Variants in NAA38 observed in about 807,000 individuals in gnomAD.
NAA38 encodes LSM domain containing 1.
In NAA38, 15 loss-of-function variants were observed where a neutral mutation model predicts 12.6. The observed-to-expected ratio is 1.19, with a 90% CI of 0.79 to 1.83. The LOEUF (loss-of-function observed/expected upper bound fraction) is 1.83, where lower values mean the gene tolerates loss of function less well. Ranked by LOEUF, NAA38 falls within the 40% of genes most tolerant of loss-of-function variation. The pLI, the probability that NAA38 is intolerant of heterozygous loss-of-function variation, is 0.00. For synonymous variants in NAA38, 88 were observed against 69.9 expected (o/e 1.26, Z -1.29); for missense variants, 183 against 171.7 (o/e 1.07, Z -0.37).
At chr17:7,860,569 T>A (rs571821489), upstream of NAA38, 13 of 152,284 alleles carry the variant, frequency 8.5e-5, no homozygotes, top group African/African-American at 3.1e-4. Flanking sequence ...CCAAAGTCCA[T>A]GTTCTCTCAA....
At chr17:7,881,228 A>C (rs1044572452) in intron 2 of NAA38, among the ~76,000 whole-genome samples, 1 of 151,750 alleles carries the variant, frequency 6.6e-6, no homozygotes, top group Admixed American at 6.6e-5. Context: ...CTGTACTTTT[A>C]AAATGTTGTA....
At chr17:7,865,290 A>G (rs906643824) in intron 3 of NAA38, 3 of 152,244 alleles carry the variant, frequency 2.0e-5, no homozygotes, top group Non-Finnish European at 4.4e-5. Flanking sequence ...TAACTTGCCA[A>G]AAGTCATACA....
intron 3 of NAA38, chr17:7,866,000 C>G (rs779930841): frequency 3.3e-5 from 5 of 151,832 alleles, no homozygotes; most frequent in Non-Finnish European, 7.4e-5. Context: ...TAGGAGCTTA[C>G]AGTTTAATGG....
intron 2 of NAA38, among the ~76,000 whole-genome samples, chr17:7,882,529 A>G (rs1967292428): frequency 6.6e-6 from 1 of 152,166 alleles, no homozygotes; most frequent in South Asian, 2.1e-4. Flanking sequence ...GAAGCCCACA[A>G]TATAGAAAGG....
upstream of NAA38, chr17:7,858,461 T>C (rs1245761716): frequency 1.2e-6 from 2 of 1,614,188 alleles, no homozygotes; most frequent in Admixed American, 3.3e-5. Flanking sequence ...GCCACTGGTT[T>C]GATCCAAAGA....
Position 7,874,983 on chromosome 17 carries a change from G to T in NAA38, c.-66+8252C>A, listed in dbSNP as rs190690310. Among the ~76,000 whole-genome samples, 238 of 151,662 alleles carry T rather than the reference G, an allele frequency of 1.6e-3. 1 individual carries two copies. Among genetic ancestry groups the T allele is most frequent in the South Asian group, 1.9e-3 (9 of 4,788 alleles). On this transcript the variant is annotated intron_variant, in intron 2 of 4. Transcript: ENST00000576861. ...GCCACTGGTGGGAGGATCGCTTGAGGCCAAGAGTTTAAGACCAATTTGAAC... is the reference window on the plus strand; with the variant it reads ...GCCACTGGTGGGAGGATCGCTTGAGTCCAAGAGTTTAAGACCAATTTGAAC...
chr17:7,874,231 T>C (rs1242188630), intron 2 of NAA38, among the ~76,000 whole-genome samples: 1 of 151,964 alleles, frequency 6.6e-6, no homozygotes, highest in African/African-American at 2.4e-5. Context: ...AGAGTAGAAG[T>C]AAATGAGGGG....
At chr17:7,875,031 AC>A (rs1199357259) in intron 2 of NAA38, among the ~76,000 whole-genome samples, 1 of 151,798 alleles carries the variant, frequency 6.6e-6, no homozygotes, top group African/African-American at 2.4e-5. Context: ...TCCCATCTCT[AC>A]AAAAAATTTT....
chr17:7,885,170 G>C (rs1202614662), exon 1 of NAA38: 1 of 980,788 alleles, frequency 1.0e-6, no homozygotes, highest in Non-Finnish European at 1.2e-6. Flanking sequence ...CCCACCGCGC[G>C]GCCGAGCCGA....
upstream of NAA38, chr17:7,859,671 G>C: frequency 1.3e-6 from 2 of 1,544,410 alleles, no homozygotes; most frequent in Non-Finnish European, 1.8e-6. Flanking sequence ...CTTTTTCTGT[G>C]CCTTGAGGAA....
intron 2 of NAA38, among the ~76,000 whole-genome samples, chr17:7,881,585 G>A (rs1338744307): frequency 6.6e-6 from 1 of 151,602 alleles, no homozygotes; most frequent in Non-Finnish European, 1.5e-5. Context: ...AGCAAAGGAA[G>A]AAAAAGCTGG....
exon 2 of NAA38, chr17:7,883,257 C>T (rs1967328505): frequency 6.6e-6 from 1 of 152,216 alleles, no homozygotes; most frequent in Admixed American, 6.5e-5. Flanking sequence ...TCAGTTCCAG[C>T]TCCTTTCTCT....
At chr17:7,872,217 G>A (rs527472153) in intron 2 of NAA38, among the ~76,000 whole-genome samples, 17 of 151,940 alleles carry the variant, frequency 1.1e-4, no homozygotes, top group Non-Finnish European at 2.2e-4. Context: ...ATCTATCCAC[G>A]TTTTCCTTTA....
chr17:7,874,967 G>A (rs1967149487), intron 2 of NAA38, among the ~76,000 whole-genome samples: 1 of 151,822 alleles, frequency 6.6e-6, no homozygotes, highest in Admixed American at 6.6e-5. Flanking sequence ...GGCCACTGGT[G>A]GGAGGATCGC....
At chr17:7,875,628 T>C (rs1005748029) in intron 2 of NAA38, among the ~76,000 whole-genome samples, 4 of 152,204 alleles carry the variant, frequency 2.6e-5, no homozygotes, top group Non-Finnish European at 5.9e-5. Flanking sequence ...TGAGTCACTG[T>C]ATTGGCTGGT....
In NAA38 at chr17:7,857,201, G is replaced by A. The variant is rs766932955; in HGVS notation, c.82-3C>T. 1.2e-6 allele frequency: 2 copies of A among 1,612,976 alleles called. No homozygotes were observed. The highest frequency in any genetic ancestry group is 1.7e-6 in the Non-Finnish European group (2 of 1,179,992). ...TCCTCGCGCTCTCCGTCCGAATCCT[G>A]CGCGGGGTGTAACAAGCGCTCAGAC... On this transcript the variant is annotated splice_region_variant and splice_polypyrimidine_tract_variant and intron_variant, in intron 1 of 2. Coordinates refer to ENST00000575771, the MANE Select transcript of NAA38 (RefSeq NM_001320925.4).
At chr17:7,874,482 A>C (rs1157667065) in intron 2 of NAA38, among the ~76,000 whole-genome samples, 1 of 152,188 alleles carries the variant, frequency 6.6e-6, no homozygotes, top group Non-Finnish European at 1.5e-5. Context: ...TCAGGAGATA[A>C]GTAGAAAACA....
intron 2 of NAA38, among the ~76,000 whole-genome samples, chr17:7,870,747 T>G (rs961773761): frequency 1.3e-5 from 2 of 151,552 alleles, no homozygotes; most frequent in African/African-American, 4.9e-5. Flanking sequence ...ATTAGCCCAG[T>G]GCAGTGGTGC....
At position 7,857,155 on chromosome 17, in the gene NAA38, C is replaced by G. The variant is rs1297655615; in HGVS notation, c.125G>C (p.Arg42Pro). ...EREDSAAERA[R>P]QQLEALLNKT... ...GTTGAGCAGCGCCTCTAGCTGCTGT[C>G]GGGCGCGCTCAGCCGCCGAGTCCTC... Residue 42 changes from arginine to proline, a missense_variant, in exon 2 of 3, where the codon CGA (arginine) becomes CCA (proline). Coordinates refer to ENST00000575771, the MANE Select transcript of NAA38 (RefSeq NM_001320925.4). 1 of 1,612,840 alleles carries G rather than the reference C, an allele frequency of 6.2e-7. No individual in the cohort carries two copies. Among genetic ancestry groups the G allele is most frequent in the South Asian group, 1.1e-5 (1 of 91,084 alleles).
Sources: gnomAD v4.1 joint callset for allele counts (sites outside exome capture counted in the v4.1 genomes callset) on GRCh38, gnomAD v4.1.1 for gene constraint, MANE v1.5 for transcripts, NCBI Gene and HGNC (gene_info 2026-07-23, HGNC 2026-07-21) for gene names.